Variants in UNC93A observed in about 807,000 individuals in gnomAD.
UNC93A encodes the protein N-acetylglucosamine transporter UNC93A.
UNC93A carries 43 observed loss-of-function variants against 47.5 expected under a neutral mutation model. The ratio of observed to expected loss-of-function variants is 0.91; its 90% CI spans 0.71 to 1.17. UNC93A has a LOEUF of 1.17. Ranked by LOEUF, UNC93A falls within the 50% of genes most tolerant of loss-of-function variation. The pLI is 0.00. For missense variants in UNC93A, 605 were observed against 577.6 expected (o/e 1.05, Z -0.49); for synonymous variants, 280 against 258.0 (o/e 1.09, Z -0.82).
chr6:167,288,449 TACACAC>T (rs10586281), upstream of UNC93A, among the ~76,000 whole-genome samples: 7,286 of 134,790 alleles, frequency 0.054, 229 homozygotes, highest in East Asian at 0.13. Context: ...TGTTCTTCCT[TACACAC>T]ACACACACAC....
At chr6:167,276,064 CTTT>C (rs59625593) in intron 1 of UNC93A, among the ~76,000 whole-genome samples, 1 of 139,544 alleles carries the variant, frequency 7.2e-6, no homozygotes, top group Admixed American at 7.3e-5. Flanking sequence ...CTTTTCTTTT[CTTT>C]TTTTTTTTTT....
intron 1 of UNC93A, among the ~76,000 whole-genome samples, chr6:167,285,331 T>C (rs1443503802): frequency 6.6e-6 from 1 of 151,870 alleles, no homozygotes; most frequent in African/African-American, 2.4e-5. Flanking sequence ...AGGATTGCCA[T>C]GTAGCCAGCT....
intron 1 of UNC93A, among the ~76,000 whole-genome samples, chr6:167,272,111 T>C (rs896934178): frequency 3.3e-5 from 5 of 152,196 alleles, no homozygotes; most frequent in African/African-American, 4.8e-5. Flanking sequence ...TTCACTTATA[T>C]CTACATCTTA....
At chr6:167,301,496 G>C (rs1424663483) in intron 4 of UNC93A, among the ~76,000 whole-genome samples, 1 of 152,146 alleles carries the variant, frequency 6.6e-6, no homozygotes, top group Non-Finnish European at 1.5e-5. Context: ...ACTTTCCTGG[G>C]TTTCTGAGCA....
chr6:167,307,895 C>A lies in UNC93A; in HGVS notation c.1093C>A (p.Gln365Lys). The change falls in exon 7 of 8, where the codon CAG becomes AAG. Residue 365 changes from glutamine to lysine, a missense_variant. Gln to Lys is a moderately conservative substitution (Grantham distance 53). Transcript: ENST00000230256. ...GTGGGGCGTGGCAGATGCCGTCTGG[C>A]AGACACAAAACAATGGTGAGTCCCC... ...GLWGVADAVW[Q>K]TQNNALYGVL... is the part of the protein sequence containing the mutation. 6.2e-7 allele frequency: 1 copy of A among 1,613,720 alleles called. No individual in the cohort carries two copies. The highest frequency in any genetic ancestry group is 8.5e-7 in the Non-Finnish European group (1 of 1,179,772).
intron 2 of UNC93A, among the ~76,000 whole-genome samples, chr6:167,294,924 C>G (rs978065689): frequency 6.6e-6 from 1 of 152,130 alleles, no homozygotes; most frequent in Admixed American, 6.5e-5. Flanking sequence ...GCTTCTGTCT[C>G]CTCCTCCCGA....
chr6:167,273,964 A>C (rs915957065), intron 1 of UNC93A, among the ~76,000 whole-genome samples: 6 of 152,148 alleles, frequency 3.9e-5, no homozygotes, highest in African/African-American at 1.2e-4. Context: ...ATGTGCCAGA[A>C]ACTTAGTGGA....
intron 1 of UNC93A, among the ~76,000 whole-genome samples, chr6:167,292,384 G>A (rs1233220841): frequency 6.6e-6 from 1 of 152,130 alleles, no homozygotes; most frequent in Non-Finnish European, 1.5e-5. Flanking sequence ...ATAAGAATTG[G>A]GCACCTACTG....
At chr6:167,286,632 C>G (rs1562344680), upstream of UNC93A, among the ~76,000 whole-genome samples, 1 of 152,134 alleles carries the variant, frequency 6.6e-6, no homozygotes, top group Non-Finnish European at 1.5e-5. Flanking sequence ...TTTCCCATCA[C>G]TGTATCTTTG....
chr6:167,307,022 G>C (rs1330866152), intron 6 of UNC93A, among the ~76,000 whole-genome samples: 1 of 152,148 alleles, frequency 6.6e-6, no homozygotes, highest in Non-Finnish European at 1.5e-5. Context: ...CCTCCCTTTT[G>C]TCCCCATGCC....
intron 1 of UNC93A, among the ~76,000 whole-genome samples, chr6:167,276,540 C>A (rs779061026): frequency 6.6e-6 from 1 of 151,986 alleles, no homozygotes; most frequent in Non-Finnish European, 1.5e-5. Context: ...GATGTGAGAC[C>A]CCGGCAGTTT....
At chr6:167,279,927 T>C (rs1427943381) in intron 1 of UNC93A, among the ~76,000 whole-genome samples, 1 of 152,114 alleles carries the variant, frequency 6.6e-6, no homozygotes, top group Non-Finnish European at 1.5e-5. Context: ...GCTGAGAAAA[T>C]AAGACTACAT....
Position 167,298,072 on chromosome 6 carries a change from T to TA in UNC93A, c.625+3dup, listed in dbSNP as rs772310514. On this transcript the variant is annotated splice_region_variant and intron_variant, in intron 4 of 7. Coordinates refer to ENST00000230256, the MANE Select transcript of UNC93A (RefSeq NM_018974.4). ...ACACCCTCCTGGGCATCTACACTGG[T>TA]ACGAGCTCCATCGGCCCAGGGCAGG... The TA allele has an allele frequency of 6.2e-7, 1 of 1,613,508 alleles. No individual in the cohort carries two copies. Among genetic ancestry groups the TA allele is most frequent in the South Asian group, 1.1e-5 (1 of 91,026 alleles).
Position 167,304,003 on chromosome 6 carries a change from A to T in UNC93A, c.710A>T (p.Lys237Ile). ...CAGCGGGAAAGTGAAGGAGAGAAGAAATCAGTACCTTTCTGGTCCACTTTA... is the reference window on the plus strand; with the variant it reads ...CAGCGGGAAAGTGAAGGAGAGAAGATATCAGTACCTTTCTGGTCCACTTTA... ...DVQRESEGEK[K>I]SVPFWSTLLS... Residue 237 changes from lysine (K) to isoleucine (I), a missense_variant, in exon 5 of 8, where the codon AAA becomes ATA. Coordinates refer to ENST00000230256, the MANE Select transcript of UNC93A (RefSeq NM_018974.4). 1 of 1,613,866 alleles carries T rather than the reference A, an allele frequency of 6.2e-7. No individual in the cohort carries two copies. The highest frequency in any genetic ancestry group is 8.5e-7 in the Non-Finnish European group (1 of 1,179,974).
intron 6 of UNC93A, among the ~76,000 whole-genome samples, chr6:167,307,527 C>A (rs1456652553): frequency 1.8e-5 from 2 of 112,356 alleles, no homozygotes; most frequent in Non-Finnish European, 3.5e-5. Flanking sequence ...GAGGACAATT[C>A]CAGAGGATGG....
chr6:167,295,939 C>T (rs529145965), intron 2 of UNC93A, 93 bp from the exon 3 acceptor site: 1 of 1,213,642 alleles, frequency 8.2e-7, no homozygotes, highest in South Asian at 1.4e-5. Flanking sequence ...GGCGGTGGTT[C>T]CTTCTCCCAG....
At chr6:167,310,299 T>G (rs1293410688) in intron 7 of UNC93A, among the ~76,000 whole-genome samples, 2 of 152,298 alleles carry the variant, frequency 1.3e-5, no homozygotes, top group Non-Finnish European at 2.9e-5. Context: ...TTCCATACGA[T>G]AATTCCCTAA....
chr6:167,314,933 A>G (rs1778650795), intron 7 of UNC93A, among the ~76,000 whole-genome samples: 2 of 152,176 alleles, frequency 1.3e-5, no homozygotes, highest in Admixed American at 1.3e-4. Flanking sequence ...ACATCTCGTC[A>G]GGACCTCCTG....
chr6:167,313,845 G>T (rs1778621221), intron 7 of UNC93A, among the ~76,000 whole-genome samples: 1 of 152,160 alleles, frequency 6.6e-6, no homozygotes, highest in Non-Finnish European at 1.5e-5. Flanking sequence ...CAGACAAGAG[G>T]TGTTTAGAAT....
Sources: allele counts gnomAD v4.1 joint callset (sites outside exome capture counted in the v4.1 genomes callset), GRCh38; gene constraint gnomAD v4.1.1; transcripts MANE v1.5; gene names NCBI Gene and HGNC (gene_info 2026-07-23, HGNC 2026-07-21).